ADK: variants seen among roughly 807,000 people sequenced by gnomAD.
ADK encodes N6,N6-dimethyladenosine kinase.
A neutral mutation model predicts 44.7 loss-of-function variants in ADK; 24 were observed. The observed-to-expected ratio is 0.54, with a 90% CI of 0.39 to 0.76. The LOEUF (loss-of-function observed/expected upper bound fraction) is 0.76, where lower values mean the gene tolerates loss of function less well. Ranked by LOEUF, ADK falls within the 30% of genes least tolerant of loss-of-function variation. The pLI, the probability that ADK is intolerant of heterozygous loss-of-function variation, is 0.00. For missense variants in ADK, 321 were observed against 425.1 expected (o/e 0.76, Z 2.15); for synonymous variants, 128 against 142.6 (o/e 0.90, Z 0.73).
intron 8 of ADK, among the ~76,000 whole-genome samples, chr10:74,595,816 G>A (rs1304586226): frequency 1.4e-5 from 2 of 145,620 alleles, no homozygotes; most frequent in African/African-American, 5.1e-5. Context: ...GGCCAACATG[G>A]TGAAACCCCG....
chr10:74,364,622 A>G (rs931911837), intron 4 of ADK, among the ~76,000 whole-genome samples: 1 of 150,952 alleles, frequency 6.6e-6, no homozygotes, highest in East Asian at 2.0e-4. Context: ...ACAGCTGGCA[A>G]TTCCTACTCT....
chr10:74,405,536 A>G (rs980372736), intron 6 of ADK, among the ~76,000 whole-genome samples: 4 of 151,942 alleles, frequency 2.6e-5, no homozygotes, highest in Non-Finnish European at 2.9e-5. Context: ...TTTGTTACAT[A>G]TGTATACATG....
At chr10:74,153,306 G>A (rs1231447788) in intron 1 of ADK, among the ~76,000 whole-genome samples, 2 of 152,146 alleles carry the variant, frequency 1.3e-5, no homozygotes, top group Admixed American at 1.3e-4. Flanking sequence ...GGTAGGGAGA[G>A]CTATTGGCAC....
At chr10:74,398,894 C>A (rs769221375) in intron 6 of ADK, among the ~76,000 whole-genome samples, 8 of 152,016 alleles carry the variant, frequency 5.3e-5, no homozygotes, top group Non-Finnish European at 8.8e-5. Context: ...TACAAACTTA[C>A]ATCTTACATT....
chr10:74,176,829 G>A, intron 1 of ADK: 2 of 1,605,132 alleles, frequency 1.2e-6, no homozygotes, highest in Non-Finnish European at 1.7e-6. Flanking sequence ...CGGACGTAGA[G>A]CATCGGACGC....
At chr10:74,216,432 A>G (rs190112689) in intron 2 of ADK, among the ~76,000 whole-genome samples, 1 of 152,258 alleles carries the variant, frequency 6.6e-6, no homozygotes, top group Non-Finnish European at 1.5e-5. Flanking sequence ...ATTATTAAAC[A>G]GAAGAAAATA....
At chr10:74,315,526 A>G (rs1258692963) in intron 4 of ADK, among the ~76,000 whole-genome samples, 1 of 152,202 alleles carries the variant, frequency 6.6e-6, no homozygotes, top group Non-Finnish European at 1.5e-5. Flanking sequence ...AAAGATATGA[A>G]CAAGTTTTAC....
chr10:74,444,475 G>A (rs1298110869), intron 6 of ADK, among the ~76,000 whole-genome samples: 1 of 151,994 alleles, frequency 6.6e-6, no homozygotes, highest in Non-Finnish European at 1.5e-5. Context: ...AAATTTTTCT[G>A]TAGCCTTCCC....
Position 74,198,674 on chromosome 10 carries a change from A to G in ADK, c.66-2090A>G, listed in dbSNP as rs1213431388. ...AATGTCTCTTATTGAGACTGATCCA[A>G]CAGTATTCACTGGCCCATTTCTTGC... On this transcript the variant is annotated intron_variant, in intron 1 of 10. Coordinates refer to ENST00000539909, the MANE Select transcript of ADK (RefSeq NM_006721.4). 2.0e-5 allele frequency among the ~76,000 whole-genome samples: 3 copies of G among 152,190 alleles called. No homozygotes were observed. The East Asian group carries it at 5.8e-4, about 29-fold the overall frequency.
intron 6 of ADK, among the ~76,000 whole-genome samples, chr10:74,440,898 G>A (rs746028916): frequency 3.3e-5 from 5 of 152,140 alleles, no homozygotes; most frequent in Non-Finnish European, 7.4e-5. Context: ...ATCCTGTGAA[G>A]CAATGTGACC....
chr10:74,600,229 T>A, intron 8 of ADK, 150 bp from the exon 9 acceptor site: 1 of 572,866 alleles, frequency 1.7e-6, no homozygotes, highest in South Asian at 2.0e-5. Context: ...TTCTATTTAC[T>A]TTTGTATATG....
chr10:74,526,575 C>T (rs1849050876), intron 7 of ADK, among the ~76,000 whole-genome samples: 1 of 152,070 alleles, frequency 6.6e-6, no homozygotes, highest in Non-Finnish European at 1.5e-5. Flanking sequence ...TAATAACTGC[C>T]ATCTGCCTAG....
chr10:74,412,392 C>T (rs1366718035), intron 6 of ADK, among the ~76,000 whole-genome samples: 2 of 152,072 alleles, frequency 1.3e-5, no homozygotes, highest in Admixed American at 6.5e-5. Flanking sequence ...CCTCCCACTG[C>T]GGCCTCCCAA....
chr10:74,686,575 G>A (rs1855797220), intron 10 of ADK, among the ~76,000 whole-genome samples: 1 of 152,178 alleles, frequency 6.6e-6, no homozygotes, highest in Non-Finnish European at 1.5e-5. Context: ...ATAAATTTCT[G>A]TTCTTTATGT....
intron 6 of ADK, chr10:74,506,396 C>T: frequency 4.5e-6 from 1 of 222,420 alleles, no homozygotes; most frequent in South Asian, 6.1e-5. Flanking sequence ...GCACTTCCAG[C>T]ATCACTAGTG....
At chr10:74,552,962 C>A (rs1850087437) in intron 7 of ADK, among the ~76,000 whole-genome samples, 1 of 152,038 alleles carries the variant, frequency 6.6e-6, no homozygotes, top group African/African-American at 2.4e-5. Flanking sequence ...CTGGAACTCT[C>A]ATTCTTTGCT....
At chr10:74,697,695 A>G (rs1856258413) in intron 10 of ADK, among the ~76,000 whole-genome samples, 1 of 152,328 alleles carries the variant, frequency 6.6e-6, no homozygotes, top group East Asian at 1.9e-4. Context: ...AAGTGTCTCC[A>G]TTAAGGCTTC....
At chr10:74,518,592 T>C (rs1307305455) in intron 6 of ADK, among the ~76,000 whole-genome samples, 1 of 152,180 alleles carries the variant, frequency 6.6e-6, no homozygotes, top group East Asian at 1.9e-4. Context: ...AATGGTTAAA[T>C]TGGGGTGAAA....
At chr10:74,389,590 G>C (rs1485723365) in intron 4 of ADK, among the ~76,000 whole-genome samples, 1 of 150,844 alleles carries the variant, frequency 6.6e-6, no homozygotes, top group Non-Finnish European at 1.5e-5. Context: ...TTTAATGGCT[G>C]TAAAAAAACT....
Sources: allele counts gnomAD v4.1 joint callset (sites outside exome capture counted in the v4.1 genomes callset), GRCh38; gene constraint gnomAD v4.1.1; transcripts MANE v1.5; gene names NCBI Gene and HGNC (gene_info 2026-07-23, HGNC 2026-07-21).